CRIM1: variants seen among roughly 807,000 people sequenced by gnomAD.
CRIM1 encodes cysteine-rich motor neuron 1 protein.
CRIM1 carries 32 observed loss-of-function variants against 116.4 expected under a neutral mutation model. The observed-to-expected ratio is 0.27, with a 90% CI of 0.21 to 0.37. The LOEUF is 0.37. Ranked by LOEUF, CRIM1 falls within the 10% of genes least tolerant of loss-of-function variation. The pLI is 1.00. For missense variants in CRIM1, 1,331 were observed against 1,354.8 expected, an observed-to-expected ratio of 0.98 and a Z score of 0.28; for synonymous variants, 590 against 509.2, an observed-to-expected ratio of 1.16 and a Z score of -2.13.
intron 4 of CRIM1, among the ~76,000 whole-genome samples, chr2:36,445,681 C>G (rs1676186370): frequency 6.6e-6 from 1 of 151,750 alleles, no homozygotes; most frequent in Non-Finnish European, 1.5e-5. Flanking sequence ...CCCATTCAGC[C>G]TAGTTTAGCA....
At chr2:36,421,306 A>G (rs1191130882) in intron 2 of CRIM1, among the ~76,000 whole-genome samples, 2 of 152,212 alleles carry the variant, frequency 1.3e-5, no homozygotes, top group East Asian at 3.9e-4. Flanking sequence ...GTCATGAAAC[A>G]AAAGGCTTTG....
At chr2:36,364,097 G>C (rs548526075) in intron 1 of CRIM1, among the ~76,000 whole-genome samples, 15 of 152,304 alleles carry the variant, frequency 9.8e-5, no homozygotes, top group African/African-American at 3.1e-4. Flanking sequence ...TGGGGGTTAA[G>C]TGAGATAAAA....
intron 4 of CRIM1, among the ~76,000 whole-genome samples, chr2:36,449,227 C>T (rs1429887500): frequency 6.6e-6 from 1 of 152,284 alleles, no homozygotes; most frequent in South Asian, 2.1e-4. Flanking sequence ...AGGAGGCAGG[C>T]TGTATCACTC....
In CRIM1 at chr2:36,396,608, T is replaced by G; in HGVS notation, c.332-6T>G. 6.5e-7 allele frequency: 1 copy of G among 1,546,560 alleles called. No individual in the cohort carries two copies. Among genetic ancestry groups the G allele is most frequent in the South Asian group, 1.2e-5 (1 of 80,354 alleles). On this transcript the variant is annotated splice_polypyrimidine_tract_variant and splice_region_variant and intron_variant, in intron 1 of 16. Coordinates refer to ENST00000280527, the MANE Select transcript of CRIM1 (RefSeq NM_016441.3). Reference sequence around the variant, plus strand: ...ACACATTATCTGGTTGTTAATTGTTTTACAGATGAGAACTGGACTGATGAC... The same window carrying G: ...ACACATTATCTGGTTGTTAATTGTTGTACAGATGAGAACTGGACTGATGAC...
chr2:36,495,478 T>TA (rs879292433), intron 7 of CRIM1, among the ~76,000 whole-genome samples: 7,939 of 126,264 alleles, frequency 0.063, 370 homozygotes, highest in African/African-American at 0.14. Context: ...TTTATTTATT[T>TA]TTTTTTTTTT....
intron 1 of CRIM1, among the ~76,000 whole-genome samples, chr2:36,374,550 C>A (rs1025703108): frequency 6.6e-6 from 1 of 152,136 alleles, no homozygotes; most frequent in African/African-American, 2.4e-5. Context: ...ATATCAAATA[C>A]ATTGTCCTAT....
chr2:36,401,961 C>T (rs531998709), intron 2 of CRIM1, among the ~76,000 whole-genome samples: 3 of 149,462 alleles, frequency 2.0e-5, no homozygotes, highest in East Asian at 3.9e-4. Context: ...AGCATGGAGA[C>T]ACTTTCAGCT....
chr2:36,384,916 C>T lies in CRIM1; in HGVS notation c.332-11698C>T, dbSNP rs575826624. Among the ~76,000 whole-genome samples, 8 of 152,312 alleles carry T rather than the reference C, an allele frequency of 5.3e-5. 1 individual carries two copies. The South Asian group carries it at 1.7e-3, about 32-fold the overall frequency. On this transcript the variant is annotated intron_variant, in intron 1 of 16. Coordinates refer to ENST00000280527, the MANE Select transcript of CRIM1 (RefSeq NM_016441.3). The stretch of plus-strand genomic sequence containing the variant: ...TTTTAAGAAAAAAGGTTTTGACATA[C>T]ATGCCAGACTTCCACTTAAGATGAA...
intron 2 of CRIM1, among the ~76,000 whole-genome samples, chr2:36,402,533 C>T (rs1290103230): frequency 1.3e-5 from 2 of 151,688 alleles, no homozygotes; most frequent in East Asian, 3.9e-4. Flanking sequence ...ACAGGAAAGC[C>T]ATTAAAGGAT....
At chr2:36,483,364 C>T (rs920060509) in intron 7 of CRIM1, among the ~76,000 whole-genome samples, 4 of 152,158 alleles carry the variant, frequency 2.6e-5, no homozygotes, top group African/African-American at 9.7e-5. Flanking sequence ...TTATTTGTAA[C>T]CCTTAATGAC....
intron 1 of CRIM1, among the ~76,000 whole-genome samples, chr2:36,388,737 C>A (rs578226918): frequency 6.7e-6 from 1 of 149,856 alleles, no homozygotes; most frequent in East Asian, 2.0e-4. Flanking sequence ...GTCCCGTAGC[C>A]CCAATTTCTC....
chr2:36,397,208 A>G (rs1338510042), intron 2 of CRIM1, among the ~76,000 whole-genome samples: 2 of 152,208 alleles, frequency 1.3e-5, no homozygotes, highest in Non-Finnish European at 2.9e-5. Flanking sequence ...AGAATTATGC[A>G]GTGATGATTG....
chr2:36,390,575 T>C (rs997926502), intron 1 of CRIM1, among the ~76,000 whole-genome samples: 3 of 151,798 alleles, frequency 2.0e-5, no homozygotes, highest in African/African-American at 7.3e-5. Flanking sequence ...TTTATGGGGG[T>C]TTTTTGTTTG....
At chr2:36,491,626 C>T (rs1305038493) in intron 7 of CRIM1, among the ~76,000 whole-genome samples, 5 of 152,168 alleles carry the variant, frequency 3.3e-5, no homozygotes, top group Non-Finnish European at 7.3e-5. Flanking sequence ...TTGAGCAGTT[C>T]TATAGACCAA....
chr2:36,364,832 T>TTGTG (rs765617860), intron 1 of CRIM1, among the ~76,000 whole-genome samples: 1 of 151,300 alleles, frequency 6.6e-6, no homozygotes, highest in African/African-American at 2.4e-5. Context: ...ATATATAAGA[T>TTGTG]TGTGTGTGTG....
chr2:36,388,450 G>T (rs1445360251), intron 1 of CRIM1, among the ~76,000 whole-genome samples: 1 of 152,146 alleles, frequency 6.6e-6, no homozygotes, highest in Admixed American at 6.5e-5. Flanking sequence ...TGTTAGCATT[G>T]TACAATTTCA....
chr2:36,369,612 A>G (rs1396179253), intron 1 of CRIM1, among the ~76,000 whole-genome samples: 2 of 152,228 alleles, frequency 1.3e-5, no homozygotes, highest in African/African-American at 2.4e-5. Context: ...ATATAGGAAC[A>G]TATGAAATGT....
At chr2:36,440,076 C>G (rs1341549352) in intron 2 of CRIM1, among the ~76,000 whole-genome samples, 1 of 152,132 alleles carries the variant, frequency 6.6e-6, no homozygotes, top group African/African-American at 2.4e-5. Flanking sequence ...ACTAGAGGAA[C>G]AGGCATGGTT....
rs1429581667 is a variant in CRIM1, at chr2:36,549,396, G to A, written c.*695G>A. 6.6e-6 allele frequency: 1 copy of A among 152,440 alleles called. No individual in the cohort carries two copies. The highest frequency in any genetic ancestry group is 2.4e-5 in the African/African-American group (1 of 41,354). The allele number at this position is 152,440 out of a possible 1,614,324, so 9.4% of individuals were successfully genotyped here. ...TTTTGCTGCTTTTATTTTCTTCCAA[G>A]CCAATCAATCAGCCAGTTCCTAGCA... is the stretch of plus-strand genomic sequence containing the variant. On this transcript the variant is annotated 3_prime_UTR_variant, in exon 17 of 17. Transcript: ENST00000280527.
Sources: gnomAD v4.1 joint callset for allele counts (sites outside exome capture counted in the v4.1 genomes callset) on GRCh38, gnomAD v4.1.1 for gene constraint, MANE v1.5 for transcripts, NCBI Gene and HGNC (gene_info 2026-07-23, HGNC 2026-07-21) for gene names.